ANGPT2: variants seen among roughly 807,000 people sequenced by gnomAD.
ANGPT2 encodes angiopoietin-2.
ANGPT2 carries 28 observed loss-of-function variants against 62.9 expected under a neutral mutation model. The observed-to-expected ratio is 0.44, with a 90% CI of 0.33 to 0.61. The LOEUF (loss-of-function observed/expected upper bound fraction) is 0.61, where lower values mean the gene tolerates loss of function less well. ANGPT2 is among the 20% of genes least tolerant of loss of function. The pLI is 0.03. For synonymous variants in ANGPT2, 284 were observed against 207.8 expected, an observed-to-expected ratio of 1.37 and a Z score of -3.15; for missense variants, 727 against 594.9, an observed-to-expected ratio of 1.22 and a Z score of -2.31.
chr8:6,521,720 G>A (rs1664628769), intron 3 of ANGPT2, among the ~76,000 whole-genome samples: 2 of 152,184 alleles, frequency 1.3e-5, no homozygotes, highest in Admixed American at 1.3e-4. Flanking sequence ...ATGCTGCAGC[G>A]CTCAGAAGAA....
rs183983601 is a variant in ANGPT2 at position 6,522,459 on chromosome 8, C to G, written c.567-1049G>C. ...AATATAGACATTATTATTCCCATTT[C>G]CAATGAGGAAATTGAAACTTAGGGA... On this transcript the variant is annotated intron_variant, in intron 3 of 8. Coordinates refer to ENST00000629816, the MANE Select transcript of ANGPT2 (RefSeq NM_001118887.2). Among the ~76,000 whole-genome samples the G allele has an allele frequency of 3.9e-5, 6 of 152,050 alleles. No individual in the cohort carries two copies. In the East Asian group the frequency reaches 1.2e-3, roughly 30 times the overall value.
intron 3 of ANGPT2, among the ~76,000 whole-genome samples, chr8:6,522,949 A>G (rs763191389): frequency 5.9e-5 from 9 of 152,026 alleles, no homozygotes; most frequent in African/African-American, 1.4e-4. Flanking sequence ...GCGCTATGGC[A>G]TGTACTTAAT....
At position 6,514,669 on chromosome 8, in the gene ANGPT2, G is replaced by A; in HGVS notation, c.1029+8C>T. ...ATTCTTTTCTGATGCCTTAAAGAATGTCCTTACCACTTTATATTCTTTCCA... is the reference window on the plus strand; with the variant it reads ...ATTCTTTTCTGATGCCTTAAAGAATATCCTTACCACTTTATATTCTTTCCA... On this transcript the variant is annotated splice_region_variant and intron_variant, in intron 6 of 8. Transcript: ENST00000629816. 2 of 1,611,378 alleles carry A rather than the reference G, an allele frequency of 1.2e-6. No individual in the cohort carries two copies. Among genetic ancestry groups the A allele is most frequent in the Non-Finnish European group, 1.7e-6 (2 of 1,177,574 alleles).
intron 1 of ANGPT2, among the ~76,000 whole-genome samples, chr8:6,553,298 A>G (rs1436458355): frequency 6.6e-6 from 1 of 152,180 alleles, no homozygotes; most frequent in African/African-American, 2.4e-5. Flanking sequence ...CATTTACTAC[A>G]TATGAAAAGG....
At chr8:6,555,037 T>A (rs1418911630) in intron 1 of ANGPT2, among the ~76,000 whole-genome samples, 1 of 152,200 alleles carries the variant, frequency 6.6e-6, no homozygotes, top group East Asian at 1.9e-4. Context: ...CCCTTTTTTT[T>A]AAACCACACA....
intron 1 of ANGPT2, among the ~76,000 whole-genome samples, chr8:6,533,569 C>CTTTTTTTTTTT (rs56882906): frequency 2.6e-5 from 3 of 113,336 alleles, no homozygotes; most frequent in African/African-American, 3.3e-5. Flanking sequence ...CGTTTAGTTT[C>CTTTTTTTTTTT]TTTTTTTTTT....
At chr8:6,532,921 G>C (rs569924044) in intron 1 of ANGPT2, among the ~76,000 whole-genome samples, 1 of 152,168 alleles carries the variant, frequency 6.6e-6, no homozygotes, top group African/African-American at 2.4e-5. Flanking sequence ...TCACATTCTA[G>C]ACTTTTGGTT....
At chr8:6,523,833 C>T (rs892342336) in intron 3 of ANGPT2, among the ~76,000 whole-genome samples, 1 of 151,368 alleles carries the variant, frequency 6.6e-6, no homozygotes, top group Non-Finnish European at 1.5e-5. Flanking sequence ...CTGATTCGTC[C>T]ACCTCGGCCT....
At chr8:6,517,830 C>T (rs1259788588) in intron 5 of ANGPT2, among the ~76,000 whole-genome samples, 1 of 152,176 alleles carries the variant, frequency 6.6e-6, no homozygotes, top group Non-Finnish European at 1.5e-5. Flanking sequence ...CTCCCTGGAT[C>T]AGATTGTGAC....
chr8:6,561,970 G>A (rs372900026), intron 1 of ANGPT2, among the ~76,000 whole-genome samples: 2 of 152,250 alleles, frequency 1.3e-5, no homozygotes, highest in South Asian at 2.1e-4. Flanking sequence ...GACGCATTCC[G>A]CACCGGTTGC....
intron 3 of ANGPT2, among the ~76,000 whole-genome samples, chr8:6,525,217 A>T (rs566229779): frequency 6.6e-6 from 1 of 152,182 alleles, no homozygotes; most frequent in Non-Finnish European, 1.5e-5. Flanking sequence ...TAGATATTCA[A>T]TTGTAGCTCT....
intron 7 of ANGPT2, among the ~76,000 whole-genome samples, chr8:6,511,090 T>G (rs1032627883): frequency 6.6e-6 from 1 of 152,250 alleles, no homozygotes; most frequent in African/African-American, 2.4e-5. Flanking sequence ...TTGAACATGT[T>G]TAGTTCTCAT....
chr8:6,549,624 T>C (rs116217351), intron 1 of ANGPT2, among the ~76,000 whole-genome samples: 1 of 149,682 alleles, frequency 6.7e-6, no homozygotes, highest in African/African-American at 2.5e-5. Flanking sequence ...GTTACACAGG[T>C]GCGCACAGAT....
chr8:6,525,193 TTAA>T (rs1818104837), intron 3 of ANGPT2, among the ~76,000 whole-genome samples: 2 of 152,224 alleles, frequency 1.3e-5, no homozygotes, highest in South Asian at 4.1e-4. Flanking sequence ...ACAATCAGTA[TTAA>T]TAATAATTAT....
rs530944352 is a variant in ANGPT2, at chr8:6,504,131, AC to A, written c.1328-871del. Among the ~76,000 whole-genome samples, 1,388 of 152,166 alleles carry A rather than the reference AC, an allele frequency of 9.1e-3. 22 individuals are homozygous for A. The highest frequency in any genetic ancestry group is 0.031 in the African/African-American group (1,304 of 41,534). Reference sequence around the variant, plus strand: ...CAGGAGACCGAGACCATCCTGGCTAACACGGTGAAACCCCGTCTCTACTAAA... The same window carrying A: ...CAGGAGACCGAGACCATCCTGGCTAAACGGTGAAACCCCGTCTCTACTAAA... On this transcript the variant is annotated intron_variant, in intron 8 of 8. Transcript: ENST00000629816.
chr8:6,547,516 A>T (rs1325126317), intron 1 of ANGPT2, among the ~76,000 whole-genome samples: 3 of 152,212 alleles, frequency 2.0e-5, no homozygotes, highest in Non-Finnish European at 2.9e-5. Flanking sequence ...GAAGGGGAAG[A>T]AGTTATTTCC....
At chr8:6,514,545 T>A (rs1255011428) in intron 6 of ANGPT2, 132 bp downstream of exon 6, 1 of 780,970 alleles carries the variant, frequency 1.3e-6, no homozygotes, top group Admixed American at 2.1e-5. Flanking sequence ...AAGGGGAGAC[T>A]GAAGCACCAA....
chr8:6,500,782 A>C lies in ANGPT2; in HGVS notation c.*2319T>G, dbSNP rs1337070389. ...ATACCGTGTAAGGAATTGAAGTGTA[A>C]AGTAAAAACACAAATTCCCCCCATT... is the stretch of plus-strand genomic sequence containing the variant. On this transcript the variant is annotated 3_prime_UTR_variant, in exon 9 of 9. Coordinates refer to ENST00000629816, the MANE Select transcript of ANGPT2 (RefSeq NM_001118887.2). 1 of 152,238 alleles carries C rather than the reference A, an allele frequency of 6.6e-6. No homozygotes were observed. The highest frequency in any genetic ancestry group is 1.5e-5 in the Non-Finnish European group (1 of 68,042). 9.4% of individuals were successfully genotyped at this position (152,238 alleles called of 1,614,324 possible).
At chr8:6,510,634 T>C (rs1814866238) in intron 7 of ANGPT2, among the ~76,000 whole-genome samples, 1 of 152,196 alleles carries the variant, frequency 6.6e-6, no homozygotes, top group Non-Finnish European at 1.5e-5. Flanking sequence ...AGATATAAAC[T>C]TGTCCGAGGT....
Sources: allele counts gnomAD v4.1 joint callset (sites outside exome capture counted in the v4.1 genomes callset), GRCh38; gene constraint gnomAD v4.1.1; transcripts MANE v1.5; gene names NCBI Gene and HGNC (gene_info 2026-07-23, HGNC 2026-07-21).